Variants in AP3B2 observed in about 807,000 individuals in gnomAD.
AP3B2 encodes the protein AP-3 complex subunit beta-2.
Under a neutral mutation model 126.9 loss-of-function variants are expected in AP3B2, and 50 were observed. The observed-to-expected ratio is 0.39, with a 90% CI of 0.31 to 0.50. AP3B2 has a LOEUF of 0.50. AP3B2 is among the 20% of genes least tolerant of loss of function. The pLI is 0.79. For missense variants in AP3B2, 1,177 were observed against 1,426.4 expected (o/e 0.83, Z 2.82); for synonymous variants, 541 against 565.0 (o/e 0.96, Z 0.60).
At chr15:82,679,289 A>T (rs765247314) in intron 10 of AP3B2, among the ~76,000 whole-genome samples, 23 of 151,946 alleles carry the variant, frequency 1.5e-4, no homozygotes, top group Admixed American at 2.6e-4. Context: ...ACGCCTGGCT[A>T]ATTTTTGTAT....
intron 1 of AP3B2, among the ~76,000 whole-genome samples, chr15:82,701,828 T>G (rs577062771): frequency 7.9e-5 from 12 of 152,362 alleles, no homozygotes; most frequent in African/African-American, 2.6e-4. Flanking sequence ...TTCTCCTTAC[T>G]TTGCCAGAAT....
At position 82,680,822 on chromosome 15, in the gene AP3B2, G is replaced by T; in HGVS notation, c.771+15C>A. ...ACACACTTCGGCCCGCTCTGCCTGG[G>T]CTGGGCCCACTTACGTTCTGGGTGG... On this transcript the variant is annotated intron_variant, in intron 7 of 26. Transcript: ENST00000535359. This position sits in a 1 kb window ranked among gnomAD's most constrained non-coding sequence, Gnocchi z 6.1. 4 of 1,609,950 alleles carry T rather than the reference G, an allele frequency of 2.5e-6. No homozygotes were observed. The highest frequency in any genetic ancestry group is 3.4e-6 in the Non-Finnish European group (4 of 1,176,452).
At chr15:82,677,475 CTCTT>C in intron 12 of AP3B2, 92 bp from the exon 13 acceptor site, 2 of 1,396,208 alleles carry the variant, frequency 1.4e-6, no homozygotes, top group Non-Finnish European at 2.0e-6. Flanking sequence ...AGGCCCTTGG[CTCTT>C]TCTCTCAACC....
chr15:82,667,208 C>A (rs1375402016), intron 14 of AP3B2, among the ~76,000 whole-genome samples: 1 of 152,152 alleles, frequency 6.6e-6, no homozygotes. Context: ...ACTCCTGGCT[C>A]TGGACTCCAT....
chr15:82,664,706 G>T lies in AP3B2; in HGVS notation c.2137+129C>A, dbSNP rs2048020693. On this transcript the variant is annotated intron_variant, in intron 18 of 26. Coordinates refer to ENST00000535359, the MANE Select transcript of AP3B2 (RefSeq NM_001278512.2). This position sits in a 1 kb window ranked among gnomAD's most constrained non-coding sequence, Gnocchi z 4.5. ...ACACACCTGGAACATGAATCCCTCA[G>T]GTGCACAAACAATTCACAAGCAGGT... The T allele has an allele frequency of 1.1e-5, 10 of 906,814 alleles. No individual in the cohort carries two copies. Among genetic ancestry groups the T allele is most frequent in the Non-Finnish European group, 1.5e-5 (9 of 596,748 alleles). 56.2% of individuals were successfully genotyped at this position (906,814 alleles called of 1,614,324 possible).
chr15:82,699,878 G>C lies in AP3B2; in HGVS notation c.113+9716C>G, dbSNP rs574578272. The C allele has an allele frequency of 3.5e-5, 14 of 399,768 alleles. No individual in the cohort carries two copies. In the South Asian group the frequency reaches 1.8e-3, roughly 51 times the overall value. 24.8% of individuals were successfully genotyped at this position (399,768 alleles called of 1,614,324 possible). ...GGGAGCTGCAGGAATCGCTGCATCA[G>C]GTTCTTCTCCAGGAATGGACTGAGC... On this transcript the variant is annotated intron_variant, in intron 1 of 26. Coordinates refer to ENST00000535359, the MANE Select transcript of AP3B2 (RefSeq NM_001278512.2).
rs761802414 is a variant in AP3B2, at chr15:82,679,753, G to T, written c.1158C>A (p.Asp386Glu). 5.0e-6 allele frequency: 8 copies of T among 1,613,770 alleles called. No individual in the cohort carries two copies. The highest frequency in any genetic ancestry group is 5.1e-6 in the Non-Finnish European group (6 of 1,179,852). The change falls in exon 10 of 27, where the codon GAC (aspartate) becomes GAA (glutamate). Residue 386 changes from aspartate to glutamate, a missense_variant. Physicochemically the swap from Asp to Glu is conservative, Grantham distance 45. Transcript: ENST00000535359. ...CCTTCAGGATCTTAATCTGGGTGGG[G>T]TCGGTGGACCTGATGTAGAAGCTCT... is the stretch of plus-strand genomic sequence containing the variant. ...YLKSFYIRST[D>E]PTQIKILKLE...
At chr15:82,686,637 T>C (rs2048430510) in intron 4 of AP3B2, 1 of 152,212 alleles carries the variant, frequency 6.6e-6, no homozygotes, top group Non-Finnish European at 1.5e-5. Flanking sequence ...TTATTTTATT[T>C]TTTAGATACA....
At chr15:82,662,984 TG>T (rs2047980759) in intron 22 of AP3B2, 62 bp from the exon 23 acceptor site, 2 of 1,557,474 alleles carry the variant, frequency 1.3e-6, no homozygotes, top group Admixed American at 3.8e-5. Context: ...GTCCCAGCAT[TG>T]TCCCCTAGGG....
At chr15:82,670,357 G>A (rs1235846644) in intron 14 of AP3B2, among the ~76,000 whole-genome samples, 1 of 152,122 alleles carries the variant, frequency 6.6e-6, no homozygotes, top group African/African-American at 2.4e-5. Context: ...TGATCCACCA[G>A]CCTCGGCCTC....
Position 82,681,632 on chromosome 15 carries a change from G to C in AP3B2, c.361-52C>G. 1 of 1,576,628 alleles carries C rather than the reference G, an allele frequency of 6.3e-7. No individual in the cohort carries two copies. Among genetic ancestry groups the C allele is most frequent in the Non-Finnish European group, 8.6e-7 (1 of 1,159,874 alleles). ...ATGAAAGGGCACCAGGTGCCCTGAT[G>C]GGGGGAGGCCACACCTTTGGAAGTC... On this transcript the variant is annotated intron_variant, in intron 4 of 26. Coordinates refer to ENST00000535359, the MANE Select transcript of AP3B2 (RefSeq NM_001278512.2). This position sits in a 1 kb window ranked among gnomAD's most constrained non-coding sequence, Gnocchi z 4.0.
chr15:82,679,523 A>G (rs1269416782), intron 10 of AP3B2, among the ~76,000 whole-genome samples: 3 of 152,212 alleles, frequency 2.0e-5, no homozygotes, highest in Non-Finnish European at 4.4e-5. Context: ...GGTGTATACC[A>G]GGTACTAGGC....
At chr15:82,683,177 G>C (rs2048373962) in intron 4 of AP3B2, among the ~76,000 whole-genome samples, 1 of 147,100 alleles carries the variant, frequency 6.8e-6, no homozygotes, top group Non-Finnish European at 1.5e-5. Flanking sequence ...TCCTGCCTCA[G>C]CCTCCCGAGT....
chr15:82,709,495 G>GC (rs2048848037), intron 1 of AP3B2, 99 bp downstream of exon 1: 10 of 801,174 alleles, frequency 1.2e-5, no homozygotes, highest in African/African-American at 5.6e-5. Flanking sequence ...CGGCCGGGGC[G>GC]GGGCCGGCGC....
Position 82,659,540 on chromosome 15 carries a change from C to G in AP3B2, c.*20G>C, listed in dbSNP as rs764845378. On this transcript the variant is annotated 3_prime_UTR_variant, in exon 27 of 27. Coordinates refer to ENST00000535359, the MANE Select transcript of AP3B2 (RefSeq NM_001278512.2). Reference sequence around the variant, plus strand: ...TGGGGAGGTATAGATGGGAGCCAAACAGGTCACAGCATTTGGAAGTCACTG... The same window carrying G: ...TGGGGAGGTATAGATGGGAGCCAAAGAGGTCACAGCATTTGGAAGTCACTG... 6.2e-7 allele frequency: 1 copy of G among 1,612,456 alleles called. No individual in the cohort carries two copies. Among genetic ancestry groups the G allele is most frequent in the East Asian group, 2.2e-5 (1 of 44,848 alleles).
intron 1 of AP3B2, among the ~76,000 whole-genome samples, chr15:82,697,106 C>T (rs1038063042): frequency 1.3e-5 from 2 of 152,186 alleles, no homozygotes; most frequent in Middle Eastern, 3.4e-3. Context: ...CCAAGGCAGG[C>T]GGATCACAAG....
intron 1 of AP3B2, chr15:82,691,970 G>C (rs752362436): frequency 2.8e-6 from 4 of 1,433,608 alleles, no homozygotes; most frequent in Non-Finnish European, 3.9e-6. Context: ...CTGCACATCG[G>C]CATAACAGAC....
Position 82,665,801 on chromosome 15 carries a change from G to T in AP3B2, c.1853-226C>A, listed in dbSNP as rs553235870. Among the ~76,000 whole-genome samples the T allele has an allele frequency of 6.6e-6, 1 of 152,324 alleles. No homozygotes were observed. Among genetic ancestry groups the T allele is most frequent in the African/African-American group, 2.4e-5 (1 of 41,582 alleles). On this transcript the variant is annotated intron_variant, in intron 15 of 26. Transcript: ENST00000535359. This position sits in a 1 kb window ranked among gnomAD's most constrained non-coding sequence, Gnocchi z 4.4. ...GGCCAGAGCAGGGACTGAGGGCCAGGGAAAGGCAGCCTACAGAGGTGGGCA... is the reference window on the plus strand; with the variant it reads ...GGCCAGAGCAGGGACTGAGGGCCAGTGAAAGGCAGCCTACAGAGGTGGGCA...
chr15:82,702,397 G>C (rs116918931), intron 1 of AP3B2, among the ~76,000 whole-genome samples: 8,949 of 152,234 alleles, frequency 0.059, 392 homozygotes, highest in African/African-American at 0.11. Context: ...CTGAGCCCAA[G>C]CTAAACCATC....
Sources: gnomAD v4.1 joint callset for allele counts (sites outside exome capture counted in the v4.1 genomes callset) on GRCh38, gnomAD v4.1.1 for gene constraint, Gnocchi (gnomAD v3.1) non-coding constraint, MANE v1.5 for transcripts, NCBI Gene and HGNC (gene_info 2026-07-23, HGNC 2026-07-21) for gene names.